The following SCNN1D variants were observed in gnomAD, a reference collection of about 807,000 sequenced individuals.
The protein encoded by SCNN1D is epithelial sodium channel subunit delta.
SCNN1D carries 104 observed loss-of-function variants against 87.8 expected under a neutral mutation model. The observed-to-expected ratio is 1.18, with a 90% CI of 1.01 to 1.39. SCNN1D has a LOEUF of 1.39. Ranked by LOEUF, SCNN1D falls within the 40% of genes most tolerant of loss-of-function variation. The probability of loss-of-function intolerance (pLI) is 0.00; values close to 1 mark genes in which losing one functional copy is unlikely to be tolerated. For missense variants in SCNN1D, 1,324 were observed against 1,093.9 expected (o/e 1.21, Z -2.97); for synonymous variants, 628 against 481.2 (o/e 1.31, Z -3.99).
chr1:1,286,990 C>T lies in SCNN1D; in HGVS notation c.1119+15C>T, dbSNP rs372977151. On this transcript the variant is annotated intron_variant, in intron 8 of 17. Transcript: ENST00000379116. ...GGTTCAGACTGGTGAGTGTCCCAGC[C>T]GGGGCCTGCAGCCATCAGGGCCTTG... 5.0e-5 allele frequency: 81 copies of T among 1,607,502 alleles called. No individual in the cohort carries two copies. The highest frequency in any genetic ancestry group is 1.6e-4 in the Middle Eastern group (1 of 6,062).
intron 3 of SCNN1D, 21 bp downstream of exon 3, chr1:1,281,631 A>T (rs1262894): frequency 3.8e-5 from 58 of 1,530,260 alleles, no homozygotes; most frequent in Non-Finnish European, 4.9e-5. Context: ...CTCAGCCCTT[A>T]GAGGCCTTGC....
At position 1,288,028 on chromosome 1, in the gene SCNN1D, C is replaced by T; in HGVS notation, c.1653C>T (p.Tyr551=). Residue 551 remains tyrosine (Y), a synonymous_variant, in exon 12 of 18, where the codon TAC becomes TAT. Coordinates refer to ENST00000379116, the MANE Select transcript of SCNN1D (RefSeq NM_001130413.4). Reference sequence around the variant, plus strand: ...TGGAGCTGCTACACAACACCTCCTACACCAGGCAGGTGAGGCTGGGCTGGC... The same window carrying T: ...TGGAGCTGCTACACAACACCTCCTATACCAGGCAGGTGAGGCTGGGCTGGC... ...VEVELLHNTS[Y]TRQACLVSCF... The T allele has an allele frequency of 6.5e-7, 1 of 1,532,868 alleles. No homozygotes were observed. Among genetic ancestry groups the T allele is most frequent in the Non-Finnish European group, 8.8e-7 (1 of 1,139,252 alleles). 95.0% of individuals were successfully genotyped at this position (1,532,868 alleles called of 1,614,324 possible).
Position 1,291,246 on chromosome 1 carries a change from A to G in SCNN1D, c.2053-8A>G. On this transcript the variant is annotated splice_polypyrimidine_tract_variant and splice_region_variant and intron_variant, in intron 17 of 17. Transcript: ENST00000379116. ...GGCCCGCCCCTCACACCCGCACCCC[A>G]CCCGCAGGTGCCGCAGCTGCTCTCG... 6.4e-7 allele frequency: 1 copy of G among 1,556,180 alleles called. No individual in the cohort carries two copies. The highest frequency in any genetic ancestry group is 8.7e-7 in the Non-Finnish European group (1 of 1,151,568).
At chr1:1,286,431 C>T (rs1038330696) in intron 7 of SCNN1D, among the ~76,000 whole-genome samples, 153 bp downstream of exon 7, 13 of 152,126 alleles carry the variant, frequency 8.5e-5, no homozygotes, top group Admixed American at 7.9e-4. Flanking sequence ...TCCCAAACCT[C>T]GGTGCCCAGC....
At chr1:1,284,514 A>AC (rs1640544748) in intron 5 of SCNN1D, among the ~76,000 whole-genome samples, 1 of 150,704 alleles carries the variant, frequency 6.6e-6, no homozygotes, top group Non-Finnish European at 1.5e-5. Flanking sequence ...TGTGTGCTGG[A>AC]CCACTGGGGG....
Position 1,284,016 on chromosome 1 carries a change from GC to G in SCNN1D, c.395del (p.Pro132ArgfsTer4), listed in dbSNP as rs760617984. 2.1e-6 allele frequency: 3 copies of G among 1,426,002 alleles called. No homozygotes were observed. Among genetic ancestry groups the G allele is most frequent in the South Asian group, 1.5e-5 (1 of 67,344 alleles). 88.3% of individuals were successfully genotyped at this position (1,426,002 alleles called of 1,614,324 possible). A position where few individuals can be genotyped will look rare whatever the true frequency, so the allele number is the denominator to read the frequency against. On this transcript the variant is annotated frameshift_variant, in exon 5 of 18. Coordinates refer to ENST00000379116, the MANE Select transcript of SCNN1D (RefSeq NM_001130413.4). LOFTEE classifies it high-confidence loss of function. ...CCATCCTGCTTCAGAGCTGCCAGCT[GC>G]CCCCGCAATGGCTGAGCACCGAAGC... ...GSILLQSCQL[P>X]PQWLSTEAWT... is the part of the protein sequence containing the mutation.
Position 1,290,387 on chromosome 1 carries a change from G to T in SCNN1D, c.1779G>T (p.Trp593Cys), listed in dbSNP as rs772734007. ...GCAGCTCTGCCCGGCACCCTGCCTG[G>T]GGTGAGTCCTGCTCGCTGCCTCCCA... Reference protein sequence around the residue: ...EYCSSARHPAWGHCFYRLYQD... With the variant: ...EYCSSARHPACGHCFYRLYQD... The change falls in exon 13 of 18, where the codon TGG (tryptophan) becomes TGT (cysteine). Residue 593 changes from tryptophan to cysteine, a missense_variant and splice_region_variant. Coordinates refer to ENST00000379116, the MANE Select transcript of SCNN1D (RefSeq NM_001130413.4). 1 of 1,604,254 alleles carries T rather than the reference G, an allele frequency of 6.2e-7. No individual in the cohort carries two copies. The highest frequency in any genetic ancestry group is 8.5e-7 in the Non-Finnish European group (1 of 1,174,408).
chr1:1,286,863 C>T lies in SCNN1D; in HGVS notation c.1007C>T (p.Ala336Val). Residue 336 changes from alanine to valine, a missense_variant, in exon 8 of 18, where the codon GCC (alanine) becomes GTC (valine). Physicochemically the swap from Ala to Val is moderately conservative, Grantham distance 64. Transcript: ENST00000379116. ...AACGTCAACCTCAGCAAAGGCAGAG[C>T]CGCCCTCTCCGCCACTGTCCCCCGC... ...LYNVNLSKGR[A>V]ALSATVPRHE... 1.2e-6 allele frequency: 2 copies of T among 1,612,534 alleles called. No homozygotes were observed. The highest frequency in any genetic ancestry group is 1.7e-6 in the Non-Finnish European group (2 of 1,179,808).
Position 1,286,754 on chromosome 1 carries a change from G to C in SCNN1D, c.912-14G>C. On this transcript the variant is annotated splice_polypyrimidine_tract_variant and intron_variant, in intron 7 of 17. Transcript: ENST00000379116. ...CCGGGCCGGCAACTCTGACTCCAGG[G>C]CCCTGCGTCCCAGGCCGAGTCCGGT... The C allele has an allele frequency of 6.2e-7, 1 of 1,611,188 alleles. No individual in the cohort carries two copies. Among genetic ancestry groups the C allele is most frequent in the Non-Finnish European group, 8.5e-7 (1 of 1,179,070 alleles).
At position 1,286,240 on chromosome 1, in the gene SCNN1D, G is replaced by C. The variant is rs1023694092; in HGVS notation, c.873G>C (p.Leu291=). Reference sequence around the variant, plus strand: ...TCTCTGTGCACTCGGAGCGCAAGCTGCTCCCGCTGGTCACCCTGTGTGACG... The same window carrying C: ...TCTCTGTGCACTCGGAGCGCAAGCTCCTCCCGCTGGTCACCCTGTGTGACG... ...MAVSVHSERK[L]LPLVTLCDGN... is the part of the protein sequence containing the mutation. Residue 291 remains leucine (L), a synonymous_variant, in exon 7 of 18, where the codon CTG becomes CTC. Transcript: ENST00000379116. The C allele has an allele frequency of 6.3e-7, 1 of 1,593,180 alleles. No homozygotes were observed. Among genetic ancestry groups the C allele is most frequent in the African/African-American group, 1.3e-5 (1 of 74,870 alleles).
chr1:1,290,236 C>A, intron 12 of SCNN1D, 35 bp from the exon 13 acceptor site: 1 of 1,477,128 alleles, frequency 6.8e-7, no homozygotes, highest in Non-Finnish European at 9.2e-7. Flanking sequence ...GTCTCCGCTC[C>A]ATCCCATGTC....
chr1:1,288,166 G>A, intron 12 of SCNN1D, 129 bp downstream of exon 12: 2 of 674,534 alleles, frequency 3.0e-6, no homozygotes, highest in South Asian at 1.9e-5. Context: ...TCCCCGTGGA[G>A]GCCCGCACTC....
At chr1:1,288,219 T>TCCCGTGTCCCTGCTCCGTCC (rs1640656875) in intron 12 of SCNN1D, among the ~76,000 whole-genome samples, 182 bp downstream of exon 12, 1 of 138,016 alleles carries the variant, frequency 7.2e-6, no homozygotes, top group Admixed American at 7.2e-5. Context: ...CTCTGCTCCG[T>TCCCGTGTCCCTGCTCCGTCC]CCCGTGTCTC....
At position 1,291,652 on chromosome 1, in the gene SCNN1D, T is replaced by C. The variant is rs762038777; in HGVS notation, c.*42T>C. On this transcript the variant is annotated 3_prime_UTR_variant, in exon 18 of 18. Transcript: ENST00000379116. ...CTGTGCGATCTCTTGGCCTGGTCCT[T>C]GCAGCTGTGGCAGCAGCAGGCTCCC... 2.8e-6 allele frequency: 4 copies of C among 1,422,720 alleles called. No individual in the cohort carries two copies. The highest frequency in any genetic ancestry group is 3.8e-4 in the Middle Eastern group (2 of 5,238). The allele number at this position is 1,422,720 out of a possible 1,614,324, so 88.1% of individuals were successfully genotyped here. A position where few individuals can be genotyped will look rare whatever the true frequency, so the allele number is the denominator to read the frequency against.
chr1:1,286,391 G>A, intron 7 of SCNN1D, 113 bp downstream of exon 7: 1 of 854,294 alleles, frequency 1.2e-6, no homozygotes, highest in Non-Finnish European at 1.8e-6. Context: ...GCTCTGTGTG[G>A]TCAATGCCAC....
intron 6 of SCNN1D, 72 bp from the exon 7 acceptor site, chr1:1,285,854 A>G (rs1640576492): frequency 7.0e-7 from 1 of 1,428,198 alleles, no homozygotes; most frequent in Non-Finnish European, 9.4e-7. Flanking sequence ...TGGCTGACAG[A>G]CATGACAGGC....
rs777324717 is a variant in SCNN1D, at chr1:1,287,242, G to A, written c.1253G>A (p.Ser418Asn). 7 of 1,610,914 alleles carry A rather than the reference G, an allele frequency of 4.3e-6. No individual in the cohort carries two copies. In the African/African-American group the frequency reaches 8.0e-5, roughly 18 times the overall value. Reference protein sequence around the residue: ...LPAAWEDSHGSQDGHFVLSCS... With the variant: ...LPAAWEDSHGNQDGHFVLSCS... ...GCGGCATGGGAGGACAGCCACGGGAGCCAGGACGGCCACTTCGTCCTCTCC... is the reference window on the plus strand; with the variant it reads ...GCGGCATGGGAGGACAGCCACGGGAACCAGGACGGCCACTTCGTCCTCTCC... The change falls in exon 9 of 18, where the codon AGC becomes AAC. Residue 418 changes from serine to asparagine, a missense_variant. Physicochemically the swap from Ser to Asn is conservative, Grantham distance 46 (BLOSUM62 1). Coordinates refer to ENST00000379116, the MANE Select transcript of SCNN1D (RefSeq NM_001130413.4).
intron 4 of SCNN1D, 88 bp from the exon 5 acceptor site, chr1:1,283,890 T>G: frequency 8.1e-6 from 5 of 619,974 alleles, no homozygotes; most frequent in Non-Finnish European, 1.3e-5. Flanking sequence ...GAATTCCCCT[T>G]TTGGGTCCGG....
At chr1:1,284,504 T>TGTGTGCTGGACCACTGGGGGTGCCGAGC (rs1391690575) in intron 5 of SCNN1D, among the ~76,000 whole-genome samples, 1 of 149,968 alleles carries the variant, frequency 6.7e-6, no homozygotes, top group East Asian at 2.0e-4. Context: ...GGGTACATAG[T>TGTGTGCTGGACCACTGGGGGTGCCGAGC]GTGTGCTGGA....
Sources: gnomAD v4.1 joint callset for allele counts (sites outside exome capture counted in the v4.1 genomes callset) on GRCh38, gnomAD v4.1.1 for gene constraint, MANE v1.5 for transcripts, NCBI Gene and HGNC (gene_info 2026-07-23, HGNC 2026-07-21) for gene names.